SPAST: variants seen among roughly 807,000 people sequenced by gnomAD.
SPAST encodes the protein spastic paraplegia 4 (autosomal dominant; spastin).
SPAST carries 30 observed loss-of-function variants against 76.6 expected under a neutral mutation model. That is an observed-to-expected ratio of 0.39 (90% CI 0.29 to 0.53). The LOEUF (loss-of-function observed/expected upper bound fraction) is 0.53, where lower values mean the gene tolerates loss of function less well. Among genes scored for constraint, SPAST ranks in the 20% least tolerant of loss-of-function variants. The probability of loss-of-function intolerance (pLI) is 0.68; values close to 1 mark genes in which losing one functional copy is unlikely to be tolerated. For missense variants in SPAST, 717 were observed against 770.5 expected, an observed-to-expected ratio of 0.93 and a Z score of 0.82; for synonymous variants, 305 against 281.0, an observed-to-expected ratio of 1.09 and a Z score of -0.86.
intron 1 of SPAST, among the ~76,000 whole-genome samples, chr2:32,067,146 C>A (rs776618613): frequency 6.6e-6 from 1 of 152,134 alleles, no homozygotes; most frequent in Non-Finnish European, 1.5e-5. Context: ...ACTGCAACCT[C>A]TGCCTCCCGG....
intron 1 of SPAST, among the ~76,000 whole-genome samples, chr2:32,070,096 T>A (rs1182041094): frequency 2.7e-5 from 4 of 150,776 alleles, no homozygotes; most frequent in Non-Finnish European, 5.9e-5. Flanking sequence ...AATGGAGTCT[T>A]GCTCTGTCAC....
At position 32,098,829 on chromosome 2, in the gene SPAST, C is replaced by T. The variant is rs747909606; in HGVS notation, c.620C>T (p.Ser207Leu). Residue 207 changes from serine (S) to leucine (L), a missense_variant, in exon 4 of 17, where the codon TCA (serine) becomes TTA (leucine). Around this residue, in one of 3 missense-constraint regions of SPAST, gnomAD observed 543 missense variants for 445.2 expected, o/e 1.22. Transcript: ENST00000315285. Reference sequence around the variant, plus strand: ...CAACCAGTTTTGCCATTTTCCAAGTCACAAACGGACGTCTATAATGACAGT... The same window carrying T: ...CAACCAGTTTTGCCATTTTCCAAGTTACAAACGGACGTCTATAATGACAGT... ...KMQPVLPFSK[S>L]QTDVYNDSTN... The T allele has an allele frequency of 4.3e-6, 7 of 1,613,734 alleles. No individual in the cohort carries two copies. In the East Asian group the frequency reaches 1.3e-4, roughly 31 times the overall value.
Position 32,083,763 on chromosome 2 carries a change from TATATATATATA to T in SPAST, c.416-3728_416-3718del, listed in dbSNP as rs1558620209. On this transcript the variant is annotated intron_variant, in intron 1 of 16. Coordinates refer to ENST00000315285, the MANE Select transcript of SPAST (RefSeq NM_014946.4). ...TATTTATATATACTATATATATATA[TATATATATATA>T]TATTTTTTTTTTTTTTTGAGATGAA... Among the ~76,000 whole-genome samples, 30 of 96,156 alleles carry T rather than the reference TATATATATATA, an allele frequency of 3.1e-4. 1 individual carries two copies. The highest frequency in any genetic ancestry group is 1.9e-3 in the South Asian group (5 of 2,584). The allele number at this position is 96,156 out of a possible 152,430, so 63.1% of individuals were successfully genotyped here.
At chr2:32,103,355 CTT>C (rs771073990) in intron 4 of SPAST, among the ~76,000 whole-genome samples, 7 of 152,070 alleles carry the variant, frequency 4.6e-5, no homozygotes, top group Admixed American at 2.6e-4. Flanking sequence ...ATTCTTCTCT[CTT>C]TTCTTCTTTA....
At chr2:32,067,835 TAAAA>T (rs1197979814) in intron 1 of SPAST, among the ~76,000 whole-genome samples, 1 of 146,252 alleles carries the variant, frequency 6.8e-6, no homozygotes, top group African/African-American at 2.5e-5. Context: ...TTTTGAACAA[TAAAA>T]AAAAAATAAA....
intron 11 of SPAST, 56 bp downstream of exon 11, chr2:32,137,024 T>G: frequency 6.9e-7 from 1 of 1,441,432 alleles, no homozygotes; most frequent in South Asian, 1.2e-5. Context: ...ATTTTCCTAT[T>G]AAATGGCCAA....
At position 32,063,636 on chromosome 2, in the gene SPAST, AG is replaced by A. The variant is rs1676371683; in HGVS notation, c.-195del. 1.6e-6 allele frequency: 1 copy of A among 642,690 alleles called. No homozygotes were observed. The allele number at this position is 642,690 out of a possible 1,614,324, so 39.8% of individuals were successfully genotyped here. ...GGCCCGAGCCACCGACTGCAGGAGGAGAAGGGGTTGTGCTCCTGGCCGAGGA... is the reference window on the plus strand; with the variant it reads ...GGCCCGAGCCACCGACTGCAGGAGGAAAGGGGTTGTGCTCCTGGCCGAGGA... On this transcript the variant is annotated 5_prime_UTR_variant, in exon 1 of 17. Transcript: ENST00000315285.
At chr2:32,147,646 G>GTTTT (rs377262054) in intron 16 of SPAST, among the ~76,000 whole-genome samples, 4,499 of 150,566 alleles carry the variant, frequency 0.03, 147 homozygotes, top group African/African-American at 0.067. Context: ...TTGTTTGTTT[G>GTTTT]TTTGAGACGG....
intron 1 of SPAST, among the ~76,000 whole-genome samples, chr2:32,080,428 A>AGATAATGTGGTTACACTATTGGCT (rs1558617741): frequency 1.3e-5 from 2 of 151,258 alleles, no homozygotes; most frequent in East Asian, 1.9e-4. Context: ...GGCATGCATT[A>AGATAATGTGGTTACACTATTGGCT]GATAATGTAG....
chr2:32,069,506 G>T (rs1453830073), intron 1 of SPAST, among the ~76,000 whole-genome samples: 1 of 151,228 alleles, frequency 6.6e-6, no homozygotes, highest in East Asian at 1.9e-4. Flanking sequence ...CTATCAAGGA[G>T]CTGGTAATAT....
chr2:32,073,541 G>C (rs944917340), intron 1 of SPAST, among the ~76,000 whole-genome samples: 2 of 151,886 alleles, frequency 1.3e-5, no homozygotes, highest in African/African-American at 2.4e-5. Context: ...TATTGCCCAG[G>C]CTGGTCTTGA....
intron 1 of SPAST, among the ~76,000 whole-genome samples, chr2:32,080,785 T>C (rs1677189691): frequency 1.9e-5 from 2 of 103,542 alleles, no homozygotes; most frequent in African/African-American, 7.9e-5. Context: ...GCTCAGTTCT[T>C]TTTTTTTTTT....
At chr2:32,146,679 A>G (rs188303952) in intron 15 of SPAST, among the ~76,000 whole-genome samples, 22 of 152,160 alleles carry the variant, frequency 1.4e-4, no homozygotes, top group African/African-American at 5.3e-4. Context: ...AGCTTGGCCA[A>G]TATGGTGAAA....
At chr2:32,087,707 T>G in intron 2 of SPAST, 129 bp downstream of exon 2, 1 of 398,094 alleles carries the variant, frequency 2.5e-6, no homozygotes, top group East Asian at 4.9e-5. Context: ...TTTTTTTTTT[T>G]TTTTTGAGAC....
At chr2:32,071,296 A>C (rs1676740891) in intron 1 of SPAST, among the ~76,000 whole-genome samples, 1 of 152,196 alleles carries the variant, frequency 6.6e-6, no homozygotes, top group Non-Finnish European at 1.5e-5. Flanking sequence ...GAAGACAGAA[A>C]TTGTCTAAAT....
intron 3 of SPAST, among the ~76,000 whole-genome samples, chr2:32,092,986 G>A (rs1419636921): frequency 2.2e-5 from 3 of 135,110 alleles, no homozygotes; most frequent in African/African-American, 5.5e-5. Flanking sequence ...CAGACTGGGT[G>A]ACAGAGAGAG....
intron 4 of SPAST, among the ~76,000 whole-genome samples, chr2:32,114,205 G>A (rs1678734977): frequency 6.6e-6 from 1 of 152,136 alleles, no homozygotes; most frequent in African/African-American, 2.4e-5. Context: ...AGGAGTTCGA[G>A]ACCAGCCTAG....
intron 16 of SPAST, among the ~76,000 whole-genome samples, chr2:32,148,447 A>T (rs1469048846): frequency 6.8e-6 from 1 of 147,722 alleles, no homozygotes; most frequent in African/African-American, 2.5e-5. Context: ...CGAGGTGGGC[A>T]GATCACTTGA....
chr2:32,110,914 T>C (rs1237319410), intron 4 of SPAST, among the ~76,000 whole-genome samples: 14 of 63,600 alleles, frequency 2.2e-4, no homozygotes, highest in African/African-American at 8.5e-4. Context: ...TACTATATCG[T>C]GTGTATAGAG....
Sources: allele counts gnomAD v4.1 joint callset (sites outside exome capture counted in the v4.1 genomes callset), GRCh38; gene constraint gnomAD v4.1.1; regional missense constraint gnomAD v4.1.1; transcripts MANE v1.5; gene names NCBI Gene and HGNC (gene_info 2026-07-23, HGNC 2026-07-21).